The following BARX2 variants were observed in gnomAD, a reference collection of about 807,000 sequenced individuals.
The protein encoded by BARX2 is homeobox protein BarH-like 2.
In BARX2, 11 loss-of-function variants were observed where a neutral mutation model predicts 25.5. That is an observed-to-expected ratio of 0.43 (90% CI 0.27 to 0.71). The LOEUF is 0.71. Among genes scored for constraint, BARX2 ranks in the 30% least tolerant of loss-of-function variants. The probability of loss-of-function intolerance (pLI) is 0.19; values close to 1 mark genes in which losing one functional copy is unlikely to be tolerated. For synonymous variants in BARX2, 137 were observed against 149.5 expected, an observed-to-expected ratio of 0.92 and a Z score of 0.61; for missense variants, 360 against 359.9, an observed-to-expected ratio of 1.00 and a Z score of 0.00.
In BARX2 at chr11:129,437,059, C is replaced by G; in HGVS notation, c.488+8C>G. 6.5e-7 allele frequency: 1 copy of G among 1,545,818 alleles called. No individual in the cohort carries two copies. Among genetic ancestry groups the G allele is most frequent in the Non-Finnish European group, 8.8e-7 (1 of 1,142,064 alleles). ...TTTGTCAACCCCAGACAGGTGAGGA[C>G]GCAGGGAAGGGACTCTCCGCAGTGA... is the stretch of plus-strand genomic sequence containing the variant. On this transcript the variant is annotated splice_region_variant and intron_variant, in intron 2 of 3. Coordinates refer to ENST00000281437, the MANE Select transcript of BARX2 (RefSeq NM_003658.5).
intron 1 of BARX2, among the ~76,000 whole-genome samples, chr11:129,419,064 T>C (rs1861975425): frequency 6.6e-6 from 1 of 152,196 alleles, no homozygotes; most frequent in South Asian, 2.1e-4. Context: ...CGTGCCTACA[T>C]GGTCCCTGTG....
intron 2 of BARX2, among the ~76,000 whole-genome samples, chr11:129,439,582 C>T (rs1277128576): frequency 6.6e-6 from 1 of 152,122 alleles, no homozygotes; most frequent in African/African-American, 2.4e-5. Flanking sequence ...CTGGACTGGG[C>T]CAGCAGGTGG....
At chr11:129,377,160 C>G (rs1409141098) in intron 1 of BARX2, among the ~76,000 whole-genome samples, 1 of 152,042 alleles carries the variant, frequency 6.6e-6, no homozygotes, top group African/African-American at 2.4e-5. Context: ...AAAGTATTTC[C>G]AAACCAAAAG....
intron 1 of BARX2, among the ~76,000 whole-genome samples, chr11:129,414,301 A>T (rs1163890222): frequency 6.6e-6 from 1 of 151,986 alleles, no homozygotes; most frequent in Non-Finnish European, 1.5e-5. Flanking sequence ...GACTCAATTC[A>T]GTTCTGGATA....
At chr11:129,408,127 G>C (rs1038113826) in intron 1 of BARX2, among the ~76,000 whole-genome samples, 3 of 151,700 alleles carry the variant, frequency 2.0e-5, no homozygotes, top group African/African-American at 7.3e-5. Context: ...GTATGGCATG[G>C]AAAGGCCTGG....
At chr11:129,422,352 G>A (rs1445554773) in intron 1 of BARX2, among the ~76,000 whole-genome samples, 1 of 151,670 alleles carries the variant, frequency 6.6e-6, no homozygotes, top group Non-Finnish European at 1.5e-5. Context: ...AGGCTGCAGT[G>A]CAATGGTGCA....
At chr11:129,381,049 A>G (rs1861558156) in intron 1 of BARX2, among the ~76,000 whole-genome samples, 1 of 152,162 alleles carries the variant, frequency 6.6e-6, no homozygotes, top group South Asian at 2.1e-4. Context: ...TGCTGGGATT[A>G]TAGGCATGAG....
rs1423236241 is a variant in BARX2, at chr11:129,413,921, CCGGG to C, written c.188-22827_188-22824del. On this transcript the variant is annotated intron_variant, in intron 1 of 3. Coordinates refer to ENST00000281437, the MANE Select transcript of BARX2 (RefSeq NM_003658.5). ...TACTAAATACAAAAACAAAAATTAG[CCGGG>C]CGTGGTGGCGGGCGCCTGTATTCCC... Among the ~76,000 whole-genome samples the C allele has an allele frequency of 2.6e-5, 4 of 151,972 alleles. No homozygotes were observed. The East Asian group carries it at 7.7e-4, about 29-fold the overall frequency.
intron 3 of BARX2, among the ~76,000 whole-genome samples, chr11:129,446,877 C>G (rs1276756907): frequency 1.3e-5 from 2 of 152,114 alleles, no homozygotes; most frequent in Non-Finnish European, 2.9e-5. Flanking sequence ...AAACAGTCAT[C>G]AGTTATGTGG....
chr11:129,450,412 T>C (rs1200495861), intron 3 of BARX2, among the ~76,000 whole-genome samples: 1 of 152,242 alleles, frequency 6.6e-6, no homozygotes, highest in African/African-American at 2.4e-5. Context: ...GCCTCCAAAC[T>C]GGATTATGCT....
intron 1 of BARX2, among the ~76,000 whole-genome samples, chr11:129,385,536 GT>G (rs1861609072): frequency 6.6e-6 from 1 of 152,200 alleles, no homozygotes. Context: ...AAAAAAAGTT[GT>G]AGATTGATAC....
intron 1 of BARX2, among the ~76,000 whole-genome samples, chr11:129,377,840 G>A (rs1033415493): frequency 4.6e-5 from 7 of 152,216 alleles, no homozygotes; most frequent in African/African-American, 1.7e-4. Flanking sequence ...CAGTGACTTT[G>A]TGCTGTGTTG....
At chr11:129,409,849 C>A (rs141952937) in intron 1 of BARX2, among the ~76,000 whole-genome samples, 60 of 152,170 alleles carry the variant, frequency 3.9e-4, no homozygotes, top group Non-Finnish European at 7.1e-4. Flanking sequence ...CTGTTATAGT[C>A]TTTTATTTAT....
intron 1 of BARX2, among the ~76,000 whole-genome samples, chr11:129,409,060 C>T (rs902806506): frequency 2.0e-5 from 3 of 151,876 alleles, no homozygotes; most frequent in African/African-American, 7.3e-5. Flanking sequence ...AGCTAGCTAC[C>T]CATATGATAA....
At chr11:129,402,509 A>G (rs1355624527) in intron 1 of BARX2, among the ~76,000 whole-genome samples, 2 of 152,330 alleles carry the variant, frequency 1.3e-5, no homozygotes, top group East Asian at 3.9e-4. Context: ...TTAATATTCA[A>G]ATGTCACTGT....
At chr11:129,428,039 C>T (rs1862085954) in intron 1 of BARX2, among the ~76,000 whole-genome samples, 1 of 152,182 alleles carries the variant, frequency 6.6e-6, no homozygotes, top group South Asian at 2.1e-4. Flanking sequence ...GGAAGTATTT[C>T]TAGGTAAATG....
intron 1 of BARX2, among the ~76,000 whole-genome samples, chr11:129,387,383 C>A (rs561935796): frequency 1.3e-5 from 2 of 152,126 alleles, no homozygotes; most frequent in Non-Finnish European, 2.9e-5. Flanking sequence ...ACTTTTGAAT[C>A]CTCTGTCTGG....
intron 1 of BARX2, among the ~76,000 whole-genome samples, chr11:129,401,143 A>C (rs527249066): frequency 1.3e-5 from 2 of 152,242 alleles, no homozygotes; most frequent in Non-Finnish European, 1.5e-5. Flanking sequence ...CTTCATTGGC[A>C]TGGTTGAGAT....
chr11:129,439,915 T>TTC (rs1862236631), intron 2 of BARX2, among the ~76,000 whole-genome samples: 1 of 151,998 alleles, frequency 6.6e-6, no homozygotes, highest in Admixed American at 6.6e-5. Context: ...TCAGAGAATT[T>TTC]TTTTTTTCAG....
Sources: gnomAD v4.1 joint callset for allele counts (sites outside exome capture counted in the v4.1 genomes callset) on GRCh38, gnomAD v4.1.1 for gene constraint, MANE v1.5 for transcripts, NCBI Gene and HGNC (gene_info 2026-07-23, HGNC 2026-07-21) for gene names.